The following PTPN14 variants were observed in gnomAD, a reference collection of about 807,000 sequenced individuals.
PTPN14 encodes tyrosine-protein phosphatase non-receptor type 14.
A neutral mutation model predicts 126.8 loss-of-function variants in PTPN14; 53 were observed. The observed-to-expected ratio is 0.42, with a 90% CI of 0.34 to 0.53. The LOEUF is 0.53. Ranked by LOEUF, PTPN14 falls within the 20% of genes least tolerant of loss-of-function variation. The pLI, the probability that PTPN14 is intolerant of heterozygous loss-of-function variation, is 0.08. For synonymous variants in PTPN14, 630 were observed against 599.3 expected (o/e 1.05, Z -0.75); for missense variants, 1,257 against 1,552.9 (o/e 0.81, Z 3.20).
In PTPN14 at chr1:214,380,238, A is replaced by G. The variant is rs533395777; in HGVS notation, c.2545-2136T>C. On this transcript the variant is annotated intron_variant, in intron 13 of 18. Coordinates refer to ENST00000366956, the MANE Select transcript of PTPN14 (RefSeq NM_005401.5). Reference sequence around the variant, plus strand: ...CAATAGTCCTGAAAAATGGGTCCTGAGCTCCTCTCAGCAGTCCTGCTTTCT... The same window carrying G: ...CAATAGTCCTGAAAAATGGGTCCTGGGCTCCTCTCAGCAGTCCTGCTTTCT... 6.6e-5 allele frequency among the ~76,000 whole-genome samples: 10 copies of G among 152,126 alleles called. No homozygotes were observed. The South Asian group carries it at 1.3e-3, about 19-fold the overall frequency.
intron 13 of PTPN14, among the ~76,000 whole-genome samples, chr1:214,382,316 A>G (rs542910562): frequency 3.3e-5 from 5 of 151,784 alleles, no homozygotes; most frequent in Non-Finnish European, 5.9e-5. Flanking sequence ...TGTCTCCCCA[A>G]ATTGTACAAT....
chr1:214,448,621 A>G (rs1572006617), intron 3 of PTPN14, among the ~76,000 whole-genome samples: 1 of 152,168 alleles, frequency 6.6e-6, no homozygotes, highest in African/African-American at 2.4e-5. Flanking sequence ...GACTTCTGGT[A>G]CAGCTCTAGA....
chr1:214,509,887 G>C (rs957874213), intron 1 of PTPN14, among the ~76,000 whole-genome samples: 1 of 152,192 alleles, frequency 6.6e-6, no homozygotes, highest in African/African-American at 2.4e-5. Context: ...CTATTGCAAG[G>C]ACAGAAAACC....
intron 8 of PTPN14, among the ~76,000 whole-genome samples, chr1:214,395,528 T>C (rs1177506706): frequency 1.3e-5 from 2 of 151,758 alleles, no homozygotes; most frequent in African/African-American, 4.8e-5. Context: ...CAGCTCCATA[T>C]GCCTGCCACT....
intron 1 of PTPN14, among the ~76,000 whole-genome samples, chr1:214,493,806 C>T (rs1661301636): frequency 6.6e-6 from 1 of 152,120 alleles, no homozygotes; most frequent in South Asian, 2.1e-4. Flanking sequence ...AATGATTACA[C>T]TAGTTAAGAT....
In PTPN14 at chr1:214,384,253, C is replaced by G. The variant is rs923276953; in HGVS notation, c.1602G>C (p.Ser534=). The change falls in exon 13 of 19, where the codon TCG becomes TCC. Residue 534 remains serine, a synonymous_variant. Coordinates refer to ENST00000366956, the MANE Select transcript of PTPN14 (RefSeq NM_005401.5). The surrounding 1 kb of genome is among the most constrained non-coding windows in gnomAD (Gnocchi z 5.3). ...VPSKPGASAI[S]HTVSTPELAN... Reference sequence around the variant, plus strand: ...CCAGCTCTGGGGTGCTCACCGTGTGCGAGATGGCGCTTGCCCCCGGCTTGC... The same window carrying G: ...CCAGCTCTGGGGTGCTCACCGTGTGGGAGATGGCGCTTGCCCCCGGCTTGC... 3 of 1,613,920 alleles carry G rather than the reference C, an allele frequency of 1.9e-6. No homozygotes were observed. Among genetic ancestry groups the G allele is most frequent in the Non-Finnish European group, 2.5e-6 (3 of 1,180,032 alleles).
rs201267347 is a variant in PTPN14, at chr1:214,395,004, C to T, written c.759-18G>A. The T allele has an allele frequency of 3.3e-5, 53 of 1,589,826 alleles. No individual in the cohort carries two copies. The African/African-American group carries it at 5.4e-4, about 16-fold the overall frequency. The stretch of plus-strand genomic sequence containing the variant: ...CATTCCACCTGGTTAGAAGAAATGT[C>T]ACTGTGTTTACTCAACAATGTTCCA... On this transcript the variant is annotated intron_variant, in intron 8 of 18. Transcript: ENST00000366956.
chr1:214,369,754 T>A, intron 16 of PTPN14, 63 bp from the exon 17 acceptor site: 2 of 1,445,028 alleles, frequency 1.4e-6, no homozygotes, highest in South Asian at 2.3e-5. Context: ...CTTTTAATCC[T>A]AAGATATGAA....
chr1:214,384,011 G>A lies in PTPN14; in HGVS notation c.1844C>T (p.Pro615Leu), dbSNP rs556662605. Residue 615 changes from proline to leucine, a missense_variant, in exon 13 of 19, where the codon CCG becomes CTG. Physicochemically the swap from Pro to Leu is moderately conservative, Grantham distance 98. Transcript: ENST00000366956. This position sits in a 1 kb window ranked among gnomAD's most constrained non-coding sequence, Gnocchi z 5.3. ...SVKTFQEDSS[P>L]VVHQSLQEVS... Reference sequence around the variant, plus strand: ...CTCCTGGAGAGACTGATGAACCACCGGAGAGCTGTCCTCTTGGAAGGTCTT... The same window carrying A: ...CTCCTGGAGAGACTGATGAACCACCAGAGAGCTGTCCTCTTGGAAGGTCTT... 1.1e-4 allele frequency: 169 copies of A among 1,606,024 alleles called. 1 individual carries two copies. Among genetic ancestry groups the A allele is most frequent in the South Asian group, 8.1e-4 (74 of 90,956 alleles).
At position 214,357,146 on chromosome 1, in the gene PTPN14, A is replaced by G. The variant is rs916157306; in HGVS notation, c.*776T>C. On this transcript the variant is annotated 3_prime_UTR_variant, in exon 19 of 19. Transcript: ENST00000366956. The stretch of plus-strand genomic sequence containing the variant: ...AACAAATACCCAAGGTACAGTCGCC[A>G]GCAGGGAAACACAAGCTCCAGAGCC... 7 of 152,350 alleles carry G rather than the reference A, an allele frequency of 4.6e-5. No homozygotes were observed. Among genetic ancestry groups the G allele is most frequent in the African/African-American group, 1.7e-4 (7 of 41,468 alleles). The allele number at this position is 152,350 out of a possible 1,614,324, so 9.4% of individuals were successfully genotyped here.
At chr1:214,372,511 C>G in intron 16 of PTPN14, 200 bp downstream of exon 16, 1 of 718,104 alleles carries the variant, frequency 1.4e-6, no homozygotes, top group African/African-American at 1.8e-5. Flanking sequence ...GGAGGAAAAG[C>G]TACAACAATC....
At chr1:214,508,189 T>C (rs1195762574) in intron 1 of PTPN14, among the ~76,000 whole-genome samples, 1 of 152,206 alleles carries the variant, frequency 6.6e-6, no homozygotes, top group African/African-American at 2.4e-5. Context: ...CAGTTGACTC[T>C]TCCTTTCATG....
intron 18 of PTPN14, among the ~76,000 whole-genome samples, chr1:214,363,535 A>G (rs1658003055): frequency 6.6e-6 from 1 of 152,222 alleles, no homozygotes; most frequent in African/African-American, 2.4e-5. Flanking sequence ...TTGAAAACTG[A>G]GTAAGAACCA....
At chr1:214,486,622 A>G (rs1427051937) in intron 1 of PTPN14, among the ~76,000 whole-genome samples, 1 of 152,130 alleles carries the variant, frequency 6.6e-6, no homozygotes, top group African/African-American at 2.4e-5. Flanking sequence ...CCAGAACAAA[A>G]CGGAAAAAAA....
intron 2 of PTPN14, among the ~76,000 whole-genome samples, chr1:214,462,230 C>T (rs779549196): frequency 1.3e-5 from 2 of 152,158 alleles, no homozygotes; most frequent in South Asian, 2.1e-4. Flanking sequence ...AATCACACTA[C>T]GGCACACACT....
chr1:214,444,676 A>C (rs958210381), intron 3 of PTPN14, among the ~76,000 whole-genome samples: 8 of 152,158 alleles, frequency 5.3e-5, no homozygotes, highest in Admixed American at 5.2e-4. Flanking sequence ...AGAAAATGTG[A>C]AGAAAGCTAC....
chr1:214,425,665 AT>A (rs1376237019), intron 3 of PTPN14, among the ~76,000 whole-genome samples: 6 of 152,250 alleles, frequency 3.9e-5, no homozygotes, highest in Admixed American at 1.3e-4. Context: ...TATGAAAAAA[AT>A]AATAAAAACA....
chr1:214,384,743 T>C lies in PTPN14; in HGVS notation c.1112A>G (p.His371Arg), dbSNP rs1294353911. The C allele has an allele frequency of 6.2e-7, 1 of 1,614,020 alleles. No individual in the cohort carries two copies. Among genetic ancestry groups the C allele is most frequent in the Admixed American group, 1.7e-5 (1 of 60,016 alleles). The change falls in exon 13 of 19, where the codon CAC becomes CGC. Residue 371 changes from histidine to arginine, a missense_variant. Physicochemically the swap from His to Arg is conservative, Grantham distance 29. This residue lies in a region of PTPN14 where 1,021 missense variants were observed against 1,183.3 expected (regional missense o/e 0.86). Coordinates refer to ENST00000366956, the MANE Select transcript of PTPN14 (RefSeq NM_005401.5). This position sits in a 1 kb window ranked among gnomAD's most constrained non-coding sequence, Gnocchi z 5.3. Reference sequence around the variant, plus strand: ...TAAATAATTTAAGTCCAGGCTGTTGTGAGAGTTGCAATACAAGGCTTCTTC... The same window carrying C: ...TAAATAATTTAAGTCCAGGCTGTTGCGAGAGTTGCAATACAAGGCTTCTTC... ...GNEEALYCNS[H>R]NSLDLNYLNG... is the part of the protein sequence containing the mutation.
In PTPN14 at chr1:214,369,438, T is replaced by C. The variant is rs1309879007; in HGVS notation, c.3271+19A>G. 3.7e-6 allele frequency: 6 copies of C among 1,603,664 alleles called. No individual in the cohort carries two copies. The highest frequency in any genetic ancestry group is 4.3e-6 in the Non-Finnish European group (5 of 1,170,606). Reference sequence around the variant, plus strand: ...CATAAAAGTCAGTCAGGTAGCAGACTGGGAAGAAAAACACTTACATAAAAA... The same window carrying C: ...CATAAAAGTCAGTCAGGTAGCAGACCGGGAAGAAAAACACTTACATAAAAA... On this transcript the variant is annotated intron_variant, in intron 17 of 18. Coordinates refer to ENST00000366956, the MANE Select transcript of PTPN14 (RefSeq NM_005401.5).
Sources: allele counts gnomAD v4.1 joint callset (sites outside exome capture counted in the v4.1 genomes callset), GRCh38; gene constraint gnomAD v4.1.1; regional missense constraint gnomAD v4.1.1; non-coding constraint Gnocchi (gnomAD v3.1); transcripts MANE v1.5; gene names NCBI Gene and HGNC (gene_info 2026-07-23, HGNC 2026-07-21).